The following COA1 variants were observed in gnomAD, a reference collection of about 807,000 sequenced individuals.
COA1 encodes the protein cytochrome c oxidase assembly factor 1, also known as cytochrome c oxidase assembly factor 1 homolog.
A neutral mutation model predicts 16.0 loss-of-function variants in COA1; 13 were observed. The observed-to-expected ratio is 0.81, with a 90% CI of 0.53 to 1.29. The LOEUF is 1.29. Among genes scored for constraint, COA1 ranks in the 50% most tolerant of loss-of-function variants. The pLI is 0.00. For missense variants in COA1, 179 were observed against 177.0 expected, an observed-to-expected ratio of 1.01 and a Z score of -0.06; for synonymous variants, 65 against 65.7, an observed-to-expected ratio of 0.99 and a Z score of 0.05.
At chr7:43,643,579 A>G (rs1329717577) in intron 4 of COA1, among the ~76,000 whole-genome samples, 2 of 152,176 alleles carry the variant, frequency 1.3e-5, no homozygotes, top group South Asian at 2.1e-4. Context: ...ACTCACGTCC[A>G]TGCTGGACAC....
At chr7:43,623,881 A>C in intron 6 of COA1, 1 of 1,530,694 alleles carries the variant, frequency 6.5e-7, no homozygotes, top group East Asian at 2.3e-5. Flanking sequence ...TTTAGTTAAG[A>C]AACCTGAGTA....
At chr7:43,647,459 C>T (rs1236866137) in intron 3 of COA1, 76 bp downstream of exon 3, 8 of 995,816 alleles carry the variant, frequency 8.0e-6, no homozygotes, top group Non-Finnish European at 1.1e-5. Flanking sequence ...CAAAGCATCT[C>T]AAGTATTTCC....
At chr7:43,705,230 C>T (rs1283217586) in intron 1 of COA1, among the ~76,000 whole-genome samples, 1 of 152,200 alleles carries the variant, frequency 6.6e-6, no homozygotes, top group Non-Finnish European at 1.5e-5. Context: ...ATGGCAGCTG[C>T]CAGCAAAAGA....
chr7:43,640,462 A>C, intron 5 of COA1, 111 bp downstream of exon 5: 1 of 823,112 alleles, frequency 1.2e-6, no homozygotes, highest in Non-Finnish European at 2.0e-6. Flanking sequence ...CTTGAAAAAT[A>C]ATTCTTCCTA....
Position 43,648,466 on chromosome 7 carries a change from A to G in COA1, c.15+134T>C, listed in dbSNP as rs768352474. ...CAGAAAATGCCCATCCCTCCTGTGA[A>G]GTTAAAGCACAAGTGAACCCTAAAG... On this transcript the variant is annotated intron_variant, in intron 2 of 5. Transcript: ENST00000223336. The G allele has an allele frequency of 3.3e-6, 3 of 917,396 alleles. No individual in the cohort carries two copies. In the Admixed American group the frequency reaches 5.2e-5, roughly 16 times the overall value. The allele number at this position is 917,396 out of a possible 1,614,324, so 56.8% of individuals were successfully genotyped here.
chr7:43,683,866 G>GA (rs2093888673), intron 1 of COA1, among the ~76,000 whole-genome samples: 1 of 152,178 alleles, frequency 6.6e-6, no homozygotes, highest in Admixed American at 6.5e-5. Flanking sequence ...AATGCAACTT[G>GA]AAAAAACAGT....
At chr7:43,657,291 T>C (rs1300085746) in intron 1 of COA1, 1 of 152,218 alleles carries the variant, frequency 6.6e-6, no homozygotes, top group African/African-American at 2.4e-5. Flanking sequence ...AAAGCAAGTG[T>C]ATAGATTAGC....
intron 1 of COA1, among the ~76,000 whole-genome samples, chr7:43,725,069 T>C (rs2095586450): frequency 6.6e-6 from 1 of 152,100 alleles, no homozygotes. Context: ...AGAAACCCCG[T>C]CTGTACTAAA....
At chr7:43,697,117 T>TCAAAAAA (rs1056870691) in intron 1 of COA1, among the ~76,000 whole-genome samples, 3 of 148,872 alleles carry the variant, frequency 2.0e-5, no homozygotes, top group East Asian at 4.0e-4. Context: ...AGACTCCATC[T>TCAAAAAA]CAAAAAACAA....
intron 4 of COA1, chr7:43,641,866 T>C (rs1231156824): frequency 6.6e-6 from 1 of 152,158 alleles, no homozygotes; most frequent in Non-Finnish European, 1.5e-5. Context: ...AAAGAAGGTA[T>C]GAGCCTCGCG....
At position 43,644,761 on chromosome 7, in the gene COA1, G is replaced by GATAGATAGAT. The variant is rs59592633; in HGVS notation, c.264+489_264+490insATCTATCTAT. On this transcript the variant is annotated intron_variant, in intron 4 of 5. Transcript: ENST00000223336. ...AGATAGATAGATAGATAGATAGATA[G>GATAGATAGAT]GCAGGCAGGCAGGCAGGCAGGCAGG... Among the ~76,000 whole-genome samples, 21 of 90,194 alleles carry GATAGATAGAT rather than the reference G, an allele frequency of 2.3e-4. No individual in the cohort carries two copies. The East Asian group carries it at 3.1e-3, about 13-fold the overall frequency. The allele number at this position is 90,194 out of a possible 152,430, so 59.2% of individuals were successfully genotyped here.
intron 2 of COA1, chr7:43,647,904 G>A: frequency 2.3e-6 from 1 of 425,880 alleles, no homozygotes; most frequent in Non-Finnish European, 4.2e-6. Context: ...CACAGAGCGA[G>A]CATTCAGCCC....
At chr7:43,717,083 C>T (rs1396462061) in intron 1 of COA1, among the ~76,000 whole-genome samples, 5 of 152,206 alleles carry the variant, frequency 3.3e-5, no homozygotes, top group Non-Finnish European at 7.3e-5. Context: ...TGGAGAACCT[C>T]TGCTAGGGCA....
chr7:43,611,571 G>A (rs2082880939), intron 6 of COA1, among the ~76,000 whole-genome samples: 1 of 152,116 alleles, frequency 6.6e-6, no homozygotes, highest in Non-Finnish European at 1.5e-5. Context: ...ATATGCATAA[G>A]AAGTTCAAAG....
intron 1 of COA1, among the ~76,000 whole-genome samples, chr7:43,688,744 G>A (rs2094146787): frequency 6.6e-6 from 1 of 152,042 alleles, no homozygotes; most frequent in African/African-American, 2.4e-5. Flanking sequence ...CCACTTCCAG[G>A]CCCAAAATGG....
intron 1 of COA1, among the ~76,000 whole-genome samples, chr7:43,716,227 T>A (rs1483482036): frequency 1.3e-5 from 2 of 151,902 alleles, no homozygotes; most frequent in African/African-American, 4.8e-5. Context: ...GTTGGAACAG[T>A]TTGGAGGGCT....
At chr7:43,695,791 A>C (rs1426922270) in intron 1 of COA1, among the ~76,000 whole-genome samples, 1 of 152,226 alleles carries the variant, frequency 6.6e-6, no homozygotes, top group Admixed American at 6.5e-5. Context: ...TTACAGAACA[A>C]TTTGGCAATA....
At chr7:43,729,160 G>A (rs2095687032) in intron 1 of COA1, among the ~76,000 whole-genome samples, 2 of 152,176 alleles carry the variant, frequency 1.3e-5, no homozygotes, top group African/African-American at 4.8e-5. Context: ...TGTTGGGGAT[G>A]GTCAGCAAAA....
chr7:43,630,182 C>A (rs1203074100), intron 6 of COA1, among the ~76,000 whole-genome samples: 3 of 152,032 alleles, frequency 2.0e-5, no homozygotes, highest in African/African-American at 7.2e-5. Flanking sequence ...TTGCCAACCC[C>A]CAGGCAATTA....
Sources: allele counts gnomAD v4.1 joint callset (sites outside exome capture counted in the v4.1 genomes callset), GRCh38; gene constraint gnomAD v4.1.1; transcripts MANE v1.5; gene names NCBI Gene and HGNC (gene_info 2026-07-23, HGNC 2026-07-21).